Variants in RNF157 observed in about 807,000 individuals in gnomAD.
The protein encoded by RNF157 is E3 ubiquitin ligase RNF157.
In RNF157, 55 loss-of-function variants were observed where a neutral mutation model predicts 88.3. The ratio of observed to expected loss-of-function variants is 0.62; its 90% CI spans 0.50 to 0.78. RNF157 has a LOEUF of 0.78. Ranked by LOEUF, RNF157 falls within the 30% of genes least tolerant of loss-of-function variation. The pLI, the probability that RNF157 is intolerant of heterozygous loss-of-function variation, is 0.00. For missense variants in RNF157, 788 were observed against 860.8 expected (o/e 0.92, Z 1.06); for synonymous variants, 334 against 341.2 (o/e 0.98, Z 0.23).
rs60491535 is a variant in RNF157 at position 76,202,128 on chromosome 17, TCACACACACA to T, written c.207+10226_207+10235del. 5.0e-4 allele frequency among the ~76,000 whole-genome samples: 67 copies of T among 134,662 alleles called. No individual in the cohort carries two copies. In the South Asian group the frequency reaches 8.9e-3, roughly 18 times the overall value. The allele number at this position is 134,662 out of a possible 152,430, so 88.3% of individuals were successfully genotyped here. A position where few individuals can be genotyped will look rare whatever the true frequency, so the allele number is the denominator to read the frequency against. Reference sequence around the variant, plus strand: ...ATCTCAGTTTCTCTCTCTCTCTCTCTCACACACACACACACACACACACACACACACACAC... The same window carrying T: ...ATCTCAGTTTCTCTCTCTCTCTCTCTCACACACACACACACACACACACAC... On this transcript the variant is annotated intron_variant, in intron 2 of 18. Transcript: ENST00000269391.
In RNF157 at chr17:76,190,354, A is replaced by G. The variant is rs192284904; in HGVS notation, c.208-16564T>C. Among the ~76,000 whole-genome samples the G allele has an allele frequency of 7.3e-3, 1,112 of 152,070 alleles. 6 individuals are homozygous for G. The highest frequency in any genetic ancestry group is 0.012 in the Non-Finnish European group (790 of 67,954). ...GCTAATTTTTATATTTTTAGTAGAG[A>G]CGGAGTTTCGCCATGTTGGCCAGGC... On this transcript the variant is annotated intron_variant, in intron 2 of 18. Transcript: ENST00000269391.
chr17:76,172,114 G>T (rs1332780934), intron 3 of RNF157, among the ~76,000 whole-genome samples: 1 of 152,172 alleles, frequency 6.6e-6, no homozygotes, highest in Non-Finnish European at 1.5e-5. Context: ...TTGACCCTGG[G>T]GTGGAGAGAA....
chr17:76,222,309 T>C (rs2069998073), intron 1 of RNF157, among the ~76,000 whole-genome samples: 1 of 148,532 alleles, frequency 6.7e-6, no homozygotes, highest in East Asian at 2.0e-4. Context: ...ATCGTGTCAC[T>C]GCACTCCAGC....
At chr17:76,225,726 G>T (rs1233204587) in intron 1 of RNF157, 1 of 1,490,140 alleles carries the variant, frequency 6.7e-7, no homozygotes, top group East Asian at 2.3e-5. Flanking sequence ...GTACAAGCAC[G>T]TTGACACTCC....
chr17:76,181,834 G>A lies in RNF157; in HGVS notation c.208-8044C>T, dbSNP rs1427976999. Among the ~76,000 whole-genome samples the A allele has an allele frequency of 3.4e-5, 5 of 148,304 alleles. 1 individual carries two copies. Among genetic ancestry groups the A allele is most frequent in the Non-Finnish European group, 6.0e-5 (4 of 66,506 alleles). ...GAGGCAGGAGAATCACTTGAACCCA[G>A]GAGGCAGAGGTTGCAGTGAGCTGAG... On this transcript the variant is annotated intron_variant, in intron 2 of 18. Transcript: ENST00000269391.
Position 76,167,023 on chromosome 17 carries a change from A to C in RNF157, c.547T>G (p.Trp183Gly), listed in dbSNP as rs1598398503. The change falls in exon 5 of 19, where the codon TGG becomes GGG. Residue 183 changes from tryptophan (W) to glycine (G), a missense_variant. By Grantham distance (184) the Trp-to-Gly change is radical. Coordinates refer to ENST00000269391, the MANE Select transcript of RNF157 (RefSeq NM_052916.3). ...LPSHTVDPSE[W>G]AEEELGFDLD... ...AGGCAGCTCACCTCCTCTTCGGCCCACTCGGAGGGATCCACGGTGTGGGAG... is the reference window on the plus strand; with the variant it reads ...AGGCAGCTCACCTCCTCTTCGGCCCCCTCGGAGGGATCCACGGTGTGGGAG... 1 of 1,609,606 alleles carries C rather than the reference A, an allele frequency of 6.2e-7. No individual in the cohort carries two copies. Among genetic ancestry groups the C allele is most frequent in the East Asian group, 2.2e-5 (1 of 44,710 alleles).
chr17:76,166,570 C>G (rs2068928907), intron 5 of RNF157, 43 bp from the exon 6 acceptor site: 1 of 1,504,644 alleles, frequency 6.6e-7, no homozygotes, highest in Admixed American at 1.7e-5. Context: ...GAGGACTTAA[C>G]ACATTTACAT....
chr17:76,194,996 CAG>C (rs1175384157), intron 2 of RNF157, among the ~76,000 whole-genome samples: 2 of 152,058 alleles, frequency 1.3e-5, no homozygotes, highest in Non-Finnish European at 2.9e-5. Context: ...GCCTGGGTGA[CAG>C]AGCGAGACTC....
intron 2 of RNF157, among the ~76,000 whole-genome samples, chr17:76,179,893 G>A (rs907493819): frequency 9.9e-5 from 15 of 152,190 alleles, no homozygotes; most frequent in African/African-American, 7.2e-5. Flanking sequence ...CGTTTTCTCA[G>A]TTCATATCCA....
In RNF157 at chr17:76,195,804, C is replaced by T. The variant is rs997282476; in HGVS notation, c.207+16560G>A. Among the ~76,000 whole-genome samples, 1 of 152,136 alleles carries T rather than the reference C, an allele frequency of 6.6e-6. No individual in the cohort carries two copies. Among genetic ancestry groups the T allele is most frequent in the East Asian group, 1.9e-4 (1 of 5,196 alleles). On this transcript the variant is annotated intron_variant, in intron 2 of 18. Coordinates refer to ENST00000269391, the MANE Select transcript of RNF157 (RefSeq NM_052916.3). This position sits in a 1 kb window ranked among gnomAD's most constrained non-coding sequence, Gnocchi z 4.4. ...GAGACTCAACTCCAGAGGTGGGGCT[C>T]GCACATCAGACTAAATTGAGCACAA...
intron 1 of RNF157, among the ~76,000 whole-genome samples, chr17:76,213,995 A>G (rs1399688426): frequency 1.3e-5 from 2 of 152,168 alleles, no homozygotes; most frequent in Admixed American, 1.3e-4. Flanking sequence ...CCTTGATAAT[A>G]AACTCGTAAA....
At chr17:76,187,146 A>G (rs919872108) in intron 2 of RNF157, among the ~76,000 whole-genome samples, 28 of 151,930 alleles carry the variant, frequency 1.8e-4, no homozygotes, top group Non-Finnish European at 2.4e-4. Context: ...GAAAGTCACT[A>G]TTCAATCAAT....
chr17:76,225,380 T>C (rs1394029675), intron 1 of RNF157, among the ~76,000 whole-genome samples: 1 of 152,134 alleles, frequency 6.6e-6, no homozygotes. Context: ...AATTAGTATA[T>C]ATAAGTTAAT....
intron 3 of RNF157, among the ~76,000 whole-genome samples, chr17:76,172,607 C>CAA (rs35297368): frequency 3.5e-4 from 11 of 31,716 alleles, no homozygotes; most frequent in African/African-American, 4.9e-4. Context: ...AACTCCATCT[C>CAA]AAAAAAAAAA....
At chr17:76,217,974 A>T (rs1471261253) in intron 1 of RNF157, among the ~76,000 whole-genome samples, 3 of 152,216 alleles carry the variant, frequency 2.0e-5, no homozygotes, top group Non-Finnish European at 4.4e-5. Context: ...TAGTTTTATA[A>T]AATAAAAAAG....
At position 76,161,588 on chromosome 17, in the gene RNF157, T is replaced by C. The variant is rs375063653; in HGVS notation, c.1012A>G (p.Thr338Ala). Reference sequence around the variant, plus strand: ...GATGAGATGATGGGGTTAAAGCTGGTTGGGGACAAGGGGCCCAATTTTTTC... The same window carrying C: ...GATGAGATGATGGGGTTAAAGCTGGCTGGGGACAAGGGGCCCAATTTTTTC... ...MRKKLGPLSP[T>A]SFNPIISSQT... Residue 338 changes from threonine to alanine, a missense_variant, in exon 11 of 19, where the codon ACC (threonine) becomes GCC (alanine). By Grantham distance (58) the Thr-to-Ala change is moderately conservative. Coordinates refer to ENST00000269391, the MANE Select transcript of RNF157 (RefSeq NM_052916.3). This position sits in a 1 kb window ranked among gnomAD's most constrained non-coding sequence, Gnocchi z 4.6. 4.1e-5 allele frequency: 66 copies of C among 1,614,180 alleles called. No individual in the cohort carries two copies. Among genetic ancestry groups the C allele is most frequent in the Middle Eastern group, 1.7e-4 (1 of 6,056 alleles).
chr17:76,166,339 G>T, intron 6 of RNF157, 122 bp downstream of exon 6: 2 of 804,612 alleles, frequency 2.5e-6, no homozygotes, highest in Non-Finnish European at 4.3e-6. Flanking sequence ...TGCAGAGACT[G>T]CCTGACTCAC....
At position 76,160,036 on chromosome 17, in the gene RNF157, T is replaced by C. The variant is rs1166348829; in HGVS notation, c.1066-463A>G. On this transcript the variant is annotated intron_variant, in intron 11 of 18. Coordinates refer to ENST00000269391, the MANE Select transcript of RNF157 (RefSeq NM_052916.3). This position sits in a 1 kb window ranked among gnomAD's most constrained non-coding sequence, Gnocchi z 4.3. The stretch of plus-strand genomic sequence containing the variant: ...GATCTCACTATGTTGCCCAGGCTGG[T>C]CTTGAGCTCCTGGTCTCAATTGATC... Among the ~76,000 whole-genome samples, 4 of 152,224 alleles carry C rather than the reference T, an allele frequency of 2.6e-5. No individual in the cohort carries two copies. Among genetic ancestry groups the C allele is most frequent in the Non-Finnish European group, 5.9e-5 (4 of 68,040 alleles).
chr17:76,217,856 A>C (rs1441619015), intron 1 of RNF157, among the ~76,000 whole-genome samples: 1 of 152,238 alleles, frequency 6.6e-6, no homozygotes, highest in African/African-American at 2.4e-5. Context: ...AATTCTTTGC[A>C]GGCTTTAAAA....
Sources: gnomAD v4.1 joint callset for allele counts (sites outside exome capture counted in the v4.1 genomes callset) on GRCh38, gnomAD v4.1.1 for gene constraint, Gnocchi (gnomAD v3.1) non-coding constraint, MANE v1.5 for transcripts, NCBI Gene and HGNC (gene_info 2026-07-23, HGNC 2026-07-21) for gene names.